AIDA: variants seen among roughly 807,000 people sequenced by gnomAD.
The protein encoded by AIDA is axin interactor, dorsalization associated.
In AIDA, 18 loss-of-function variants were observed where a neutral mutation model predicts 42.7. The ratio of observed to expected loss-of-function variants is 0.42; its 90% confidence interval spans 0.29 to 0.63. The LOEUF (loss-of-function observed/expected upper bound fraction) is 0.63, where lower values mean the gene tolerates loss of function less well. AIDA is among the 20% of genes least tolerant of loss of function. The pLI is 0.19. For missense variants in AIDA, 250 were observed against 354.1 expected, an observed-to-expected ratio of 0.71 and a Z score of 2.36; for synonymous variants, 104 against 122.9, an observed-to-expected ratio of 0.85 and a Z score of 1.02.
chr1:222,673,463 G>A (rs1191929232), intron 7 of AIDA, 28 bp from the exon 8 acceptor site: 4 of 1,536,524 alleles, frequency 2.6e-6, no homozygotes, highest in Non-Finnish European at 2.6e-6. Context: ...TTCTCTTTAG[G>A]AACATTCAAA....
chr1:222,673,224 C>T (rs1301776581), intron 8 of AIDA, 89 bp downstream of exon 8: 2 of 1,207,130 alleles, frequency 1.7e-6, no homozygotes, highest in Non-Finnish European at 2.2e-6. Context: ...CTGCCAGATA[C>T]TAACTATGCT....
At chr1:222,679,177 T>C (rs991141890) in intron 6 of AIDA, among the ~76,000 whole-genome samples, 10 of 152,118 alleles carry the variant, frequency 6.6e-5, no homozygotes, top group Non-Finnish European at 1.3e-4. Flanking sequence ...TACCACACCA[T>C]TCCAGGGTTA....
chr1:222,705,345 C>T (rs17163437), intron 1 of AIDA, among the ~76,000 whole-genome samples: 1 of 152,044 alleles, frequency 6.6e-6, no homozygotes, highest in Non-Finnish European at 1.5e-5. Flanking sequence ...TGGCCTACCA[C>T]CTACATGGAG....
At chr1:222,706,854 C>CAA (rs767799244) in intron 1 of AIDA, among the ~76,000 whole-genome samples, 76 of 71,772 alleles carry the variant, frequency 1.1e-3, no homozygotes, top group Non-Finnish European at 1.4e-3. Flanking sequence ...GACTGCGCCT[C>CAA]AAAAAAAAAA....
At chr1:222,692,319 TG>T (rs1655395139) in intron 4 of AIDA, among the ~76,000 whole-genome samples, 1 of 152,106 alleles carries the variant, frequency 6.6e-6, no homozygotes, top group African/African-American at 2.4e-5. Context: ...ATGGCAGACG[TG>T]GGGATGTACC....
chr1:222,677,111 T>C (rs966206195), intron 6 of AIDA, among the ~76,000 whole-genome samples: 1 of 152,160 alleles, frequency 6.6e-6, no homozygotes, highest in Admixed American at 6.5e-5. Context: ...GTCTTATACT[T>C]CTTTTGTTGG....
At chr1:222,698,330 TAA>T (rs148654074) in intron 2 of AIDA, among the ~76,000 whole-genome samples, 3,196 of 152,170 alleles carry the variant, frequency 0.021, 99 homozygotes, top group African/African-American at 0.073. Flanking sequence ...AAAATGAATA[TAA>T]GTTACTCTCT....
intron 1 of AIDA, among the ~76,000 whole-genome samples, chr1:222,711,199 G>A (rs1020733807): frequency 6.6e-6 from 1 of 152,154 alleles, no homozygotes; most frequent in Non-Finnish European, 1.5e-5. Flanking sequence ...TGGCGAGTTT[G>A]CAAACAATAG....
chr1:222,684,671 G>A (rs1664711179), intron 6 of AIDA, among the ~76,000 whole-genome samples: 1 of 152,172 alleles, frequency 6.6e-6, no homozygotes, highest in Admixed American at 6.5e-5. Context: ...TCAGGGACTA[G>A]AAAGGTTCAG....
At chr1:222,672,710 C>G (rs926990994) in intron 8 of AIDA, among the ~76,000 whole-genome samples, 3 of 152,192 alleles carry the variant, frequency 2.0e-5, no homozygotes, top group African/African-American at 7.2e-5. Flanking sequence ...TCAAAAGGGA[C>G]TTGAATATCC....
At chr1:222,701,674 T>C (rs77520562) in intron 2 of AIDA, among the ~76,000 whole-genome samples, 4,387 of 152,200 alleles carry the variant, frequency 0.029, 215 homozygotes, top group African/African-American at 0.099. Flanking sequence ...CTAATATCTA[T>C]TGTGTATATT....
intron 6 of AIDA, 47 bp from the exon 7 acceptor site, chr1:222,676,265 A>G: frequency 6.4e-7 from 1 of 1,559,784 alleles, no homozygotes. Flanking sequence ...ATTTCACAGT[A>G]AACATTTTAA....
intron 7 of AIDA, among the ~76,000 whole-genome samples, chr1:222,675,721 G>C (rs895951699): frequency 1.3e-5 from 2 of 152,178 alleles, no homozygotes; most frequent in African/African-American, 4.8e-5. Flanking sequence ...AGAACACTGG[G>C]CTTTGCAAAC....
intron 2 of AIDA, among the ~76,000 whole-genome samples, chr1:222,700,963 AT>A (rs140000501): frequency 1.5e-5 from 1 of 68,094 alleles, no homozygotes; most frequent in East Asian, 3.2e-4. Flanking sequence ...TCATTTCTTG[AT>A]TTTTTTTGGG....
intron 2 of AIDA, 30 bp from the exon 3 acceptor site, chr1:222,694,293 C>T (rs1391240739): frequency 6.4e-7 from 1 of 1,564,916 alleles, no homozygotes; most frequent in African/African-American, 1.4e-5. Context: ...GCTATAAATA[C>T]CAGAATTATC....
intron 4 of AIDA, among the ~76,000 whole-genome samples, chr1:222,693,414 G>A (rs942405134): frequency 2.0e-5 from 3 of 152,150 alleles, no homozygotes; most frequent in African/African-American, 7.2e-5. Context: ...TTGCAGAGCA[G>A]CTCCAACAGC....
intron 2 of AIDA, among the ~76,000 whole-genome samples, chr1:222,700,628 C>A (rs1368101693): frequency 1.4e-5 from 2 of 145,862 alleles, no homozygotes; most frequent in East Asian, 2.0e-4. Flanking sequence ...CGGTGGCGGG[C>A]GCCTTAGTCC....
At chr1:222,694,140 T>C (rs1655450906) in intron 3 of AIDA, 70 bp downstream of exon 3, 15 of 1,358,980 alleles carry the variant, frequency 1.1e-5, no homozygotes, top group Non-Finnish European at 1.5e-5. Context: ...GACATAAATG[T>C]CTAATGTTTT....
intron 5 of AIDA, 169 bp from the exon 6 acceptor site, chr1:222,687,205 A>G: frequency 3.5e-6 from 2 of 565,832 alleles, no homozygotes; most frequent in Non-Finnish European, 2.2e-6. Context: ...CGAGGCGGGC[A>G]GACTGCCTGA....
Sources: gnomAD v4.1 joint callset for allele counts (sites outside exome capture counted in the v4.1 genomes callset) on GRCh38, gnomAD v4.1.1 for gene constraint, MANE v1.5 for transcripts, NCBI Gene and HGNC (gene_info 2026-07-23, HGNC 2026-07-21) for gene names.